Variants in MAST4 observed in about 807,000 individuals in gnomAD.
The protein encoded by MAST4 is microtubule-associated serine/threonine-protein kinase 4.
A neutral mutation model predicts 162.7 loss-of-function variants in MAST4; 89 were observed. That is an observed-to-expected ratio of 0.55 (90% CI 0.46 to 0.65). The LOEUF is 0.65. MAST4 is among the 30% of genes least tolerant of loss of function. The probability of loss-of-function intolerance (pLI) is 0.00; values close to 1 mark genes in which losing one functional copy is unlikely to be tolerated. For synonymous variants in MAST4, 1,479 were observed against 1,361.1 expected (o/e 1.09, Z -1.91); for missense variants, 3,153 against 3,374.0 (o/e 0.93, Z 1.62).
intron 4 of MAST4, among the ~76,000 whole-genome samples, chr5:67,026,324 C>A (rs1467841393): frequency 6.6e-6 from 1 of 152,176 alleles, no homozygotes; most frequent in African/African-American, 2.4e-5. Flanking sequence ...GTGCCACTTG[C>A]CTACCACAAC....
intron 1 of MAST4, among the ~76,000 whole-genome samples, chr5:66,618,082 G>A (rs570540531): frequency 6.6e-6 from 1 of 152,074 alleles, no homozygotes; most frequent in African/African-American, 2.4e-5. Flanking sequence ...GGCCTGCCAG[G>A]TGGTTCTGTG....
chr5:66,859,484 T>C (rs1476881920), intron 3 of MAST4, among the ~76,000 whole-genome samples: 1 of 152,152 alleles, frequency 6.6e-6, no homozygotes, highest in Admixed American at 6.5e-5. Flanking sequence ...CTTTCTTGCC[T>C]CCCCATTACC....
intron 8 of MAST4, among the ~76,000 whole-genome samples, chr5:67,101,071 T>G (rs1764974144): frequency 1.3e-5 from 2 of 152,228 alleles, no homozygotes; most frequent in African/African-American, 4.8e-5. Flanking sequence ...CTGAAGTTTG[T>G]GGATGCCAAA....
At chr5:66,914,422 G>A (rs1312520167) in intron 4 of MAST4, among the ~76,000 whole-genome samples, 1 of 152,162 alleles carries the variant, frequency 6.6e-6, no homozygotes. Context: ...GAAGTGCAAG[G>A]GACGTAGTTG....
chr5:66,842,451 C>T (rs148176611), intron 3 of MAST4, among the ~76,000 whole-genome samples: 11 of 152,092 alleles, frequency 7.2e-5, no homozygotes, highest in African/African-American at 9.7e-5. Context: ...TCCCCTACCC[C>T]CTCCCGCCCC....
chr5:66,840,964 C>T lies in MAST4; in HGVS notation c.642+52170C>T, dbSNP rs989565951. Among the ~76,000 whole-genome samples the T allele has an allele frequency of 2.2e-4, 33 of 152,278 alleles. No homozygotes were observed. In the East Asian group the frequency reaches 4.6e-3, roughly 21 times the overall value. ...TGTTGTGGTTAAGAGCACTGAAGCACACTACTGGAAGCACTGAAGTCTATT... is the reference window on the plus strand; with the variant it reads ...TGTTGTGGTTAAGAGCACTGAAGCATACTACTGGAAGCACTGAAGTCTATT... On this transcript the variant is annotated intron_variant, in intron 3 of 28. Transcript: ENST00000403625.
chr5:67,160,609 T>C lies in MAST4; in HGVS notation c.3785+17T>C. 6.2e-7 allele frequency: 1 copy of C among 1,611,702 alleles called. No homozygotes were observed. Among genetic ancestry groups the C allele is most frequent in the Non-Finnish European group, 8.5e-7 (1 of 1,179,080 alleles). On this transcript the variant is annotated intron_variant, in intron 27 of 28. Transcript: ENST00000403625. ...TCTCGAAAGGTTAGTAAAATCAGTA[T>C]TCTTTTTAAGTTTGGTGTATACCTA... is the stretch of plus-strand genomic sequence containing the variant.
intron 1 of MAST4, 51 bp from the exon 2 acceptor site, chr5:66,759,658 T>C: frequency 6.3e-7 from 1 of 1,595,164 alleles, no homozygotes. Flanking sequence ...TCTTTCATTC[T>C]AGGCTGTGTT....
chr5:67,006,894 T>C (rs1302923034), intron 4 of MAST4, among the ~76,000 whole-genome samples: 4 of 152,186 alleles, frequency 2.6e-5, no homozygotes, highest in Non-Finnish European at 4.4e-5. Flanking sequence ...AAACCGTATC[T>C]TCAATTTGGC....
At chr5:66,737,047 C>T (rs1298832625) in intron 1 of MAST4, among the ~76,000 whole-genome samples, 2 of 152,142 alleles carry the variant, frequency 1.3e-5, no homozygotes, top group East Asian at 1.9e-4. Context: ...ATAGCAGTTA[C>T]CTTTTCCTGT....
intron 9 of MAST4, 94 bp downstream of exon 9, chr5:67,102,705 C>A: frequency 1.1e-6 from 1 of 925,182 alleles, no homozygotes; most frequent in Non-Finnish European, 1.8e-6. Flanking sequence ...AAGTAAGGGT[C>A]CAATCTAGTA....
intron 5 of MAST4, among the ~76,000 whole-genome samples, chr5:67,087,126 T>C (rs1171224775): frequency 6.6e-6 from 1 of 152,168 alleles, no homozygotes; most frequent in Non-Finnish European, 1.5e-5. Context: ...GAATGCTCAT[T>C]GACCCTTTTC....
At position 67,165,292 on chromosome 5, in the gene MAST4, C is replaced by T. The variant is rs547744589; in HGVS notation, c.6113C>T (p.Pro2038Leu). Residue 2038 changes from proline to leucine, a missense_variant, in exon 29 of 29, where the codon CCG becomes CTG. This residue lies in a region of MAST4 where 1,644 missense variants were observed against 1,495.0 expected (regional missense o/e 1.10). Transcript: ENST00000403625. ...QTQAMEKAWAPGGKTNHKDGP... is the reference protein window; with the variant it reads ...QTQAMEKAWALGGKTNHKDGP... ...CAGGCCATGGAGAAAGCATGGGCGCCGGGTGGGAAAACGAACCACAAAGAT... is the reference window on the plus strand; with the variant it reads ...CAGGCCATGGAGAAAGCATGGGCGCTGGGTGGGAAAACGAACCACAAAGAT... The T allele has an allele frequency of 6.9e-5, 112 of 1,613,464 alleles. No individual in the cohort carries two copies. The South Asian group carries it at 1.2e-3, about 17-fold the overall frequency.
At chr5:66,789,575 G>A (rs961230260) in intron 3 of MAST4, among the ~76,000 whole-genome samples, 2 of 152,078 alleles carry the variant, frequency 1.3e-5, no homozygotes, top group African/African-American at 4.8e-5. Flanking sequence ...TCCTCATGGC[G>A]AGATTCAGGT....
chr5:66,915,425 G>T (rs148694893), intron 4 of MAST4, among the ~76,000 whole-genome samples: 2 of 152,110 alleles, frequency 1.3e-5, no homozygotes, highest in African/African-American at 2.4e-5. Context: ...TCCTCTTTGG[G>T]GATGTTTTCA....
At chr5:66,907,505 G>A (rs1763449211) in intron 4 of MAST4, among the ~76,000 whole-genome samples, 1 of 151,604 alleles carries the variant, frequency 6.6e-6, no homozygotes, top group African/African-American at 2.4e-5. Flanking sequence ...ATTGGATTAG[G>A]GTATTTCTAA....
At position 66,896,134 on chromosome 5, in the gene MAST4, G is replaced by A. The variant is rs576595696; in HGVS notation, c.643-3817G>A. On this transcript the variant is annotated intron_variant, in intron 3 of 28. Transcript: ENST00000403625. ...AGCCACCCTTAGTCTTCTCCCATCT[G>A]TGACAGTTAGTCAATTTATTCTTTT... is the stretch of plus-strand genomic sequence containing the variant. 1.8e-4 allele frequency among the ~76,000 whole-genome samples: 28 copies of A among 152,272 alleles called. 1 individual carries two copies. In the South Asian group the frequency reaches 4.8e-3, roughly 26 times the overall value.
At chr5:67,129,192 C>T (rs975737312) in intron 14 of MAST4, among the ~76,000 whole-genome samples, 2 of 152,308 alleles carry the variant, frequency 1.3e-5, no homozygotes, top group Middle Eastern at 3.4e-3. Flanking sequence ...TTGGCCCGCT[C>T]TTATGCTGGG....
intron 1 of MAST4, among the ~76,000 whole-genome samples, chr5:66,641,354 C>T (rs1035718886): frequency 2.0e-5 from 3 of 152,048 alleles, no homozygotes; most frequent in South Asian, 2.1e-4. Context: ...GACAGAATTT[C>T]GCTATGTTGG....
Sources: allele counts gnomAD v4.1 joint callset (sites outside exome capture counted in the v4.1 genomes callset), GRCh38; gene constraint gnomAD v4.1.1; regional missense constraint gnomAD v4.1.1; transcripts MANE v1.5; gene names NCBI Gene and HGNC (gene_info 2026-07-23, HGNC 2026-07-21).